Variants in CPE observed in about 807,000 individuals in gnomAD.
CPE encodes the protein carboxypeptidase E.
CPE carries 17 observed loss-of-function variants against 53.5 expected under a neutral mutation model. The observed-to-expected ratio is 0.32, with a 90% CI of 0.22 to 0.48. The LOEUF (loss-of-function observed/expected upper bound fraction) is 0.48. Ranked by LOEUF, CPE falls within the 20% of genes least tolerant of loss-of-function variation. The probability of loss-of-function intolerance (pLI) is 0.99; values close to 1 mark genes in which losing one functional copy is unlikely to be tolerated. For synonymous variants in CPE, 226 were observed against 228.8 expected (o/e 0.99, Z 0.11); for missense variants, 524 against 614.7 (o/e 0.85, Z 1.56).
At chr4:165,409,001 T>A (rs1176376982) in intron 1 of CPE, among the ~76,000 whole-genome samples, 1 of 152,222 alleles carries the variant, frequency 6.6e-6, no homozygotes, top group African/African-American at 2.4e-5. Context: ...AGCATTTACC[T>A]CCACCTGGTG....
At chr4:165,428,807 C>T (rs1731362971) in intron 1 of CPE, among the ~76,000 whole-genome samples, 1 of 152,186 alleles carries the variant, frequency 6.6e-6, no homozygotes, top group South Asian at 2.1e-4. Context: ...TGTAATCTCC[C>T]TCTTACAAGG....
chr4:165,387,911 TG>T (rs1346253320), intron 1 of CPE, among the ~76,000 whole-genome samples: 1 of 152,168 alleles, frequency 6.6e-6, no homozygotes, highest in Non-Finnish European at 1.5e-5. Context: ...CATGAGCCAC[TG>T]TGCCCAGCCC....
At chr4:165,383,334 C>T (rs1052120459) in intron 1 of CPE, among the ~76,000 whole-genome samples, 2 of 152,112 alleles carry the variant, frequency 1.3e-5, no homozygotes, top group Non-Finnish European at 2.9e-5. Context: ...TATTCAAACC[C>T]AAACATATGC....
rs534446824 is a variant in CPE at position 165,382,322 on chromosome 4, T to A, written c.307+2794T>A. On this transcript the variant is annotated intron_variant, in intron 1 of 8. Transcript: ENST00000402744. The stretch of plus-strand genomic sequence containing the variant: ...CCAAAATAGCTGGTATAGATATCTG[T>A]CTTCACTAGGACCCCTGCTTTTGAA... Among the ~76,000 whole-genome samples, 32 of 152,366 alleles carry A rather than the reference T, an allele frequency of 2.1e-4. No homozygotes were observed. In the South Asian group the frequency reaches 5.4e-3, roughly 26 times the overall value.
At chr4:165,482,128 T>C (rs975787659) in intron 3 of CPE, 114 bp from the exon 4 acceptor site, 1 of 522,832 alleles carries the variant, frequency 1.9e-6, no homozygotes, top group African/African-American at 2.0e-5. Flanking sequence ...AGCAAAATAG[T>C]TGAAATATGA....
chr4:165,448,869 G>A (rs1054720309), intron 1 of CPE, among the ~76,000 whole-genome samples: 2 of 152,210 alleles, frequency 1.3e-5, no homozygotes, highest in Non-Finnish European at 2.9e-5. Flanking sequence ...AGAGGGTAGT[G>A]ATGTTCTTTG....
chr4:165,476,358 G>A (rs1732299914), intron 3 of CPE, among the ~76,000 whole-genome samples: 1 of 152,118 alleles, frequency 6.6e-6, no homozygotes, highest in Non-Finnish European at 1.5e-5. Context: ...CATGTGCAGT[G>A]GCCTGGCAAC....
At chr4:165,478,838 C>T (rs1052561627) in intron 3 of CPE, among the ~76,000 whole-genome samples, 9 of 152,132 alleles carry the variant, frequency 5.9e-5, no homozygotes, top group Non-Finnish European at 7.4e-5. Context: ...TCCTTACCCC[C>T]GACAGATGGG....
intron 1 of CPE, among the ~76,000 whole-genome samples, chr4:165,431,827 A>G (rs1579258676): frequency 1.3e-5 from 2 of 152,278 alleles, no homozygotes; most frequent in East Asian, 3.9e-4. Context: ...AATGTATGAG[A>G]AAAGATCTGA....
intron 1 of CPE, among the ~76,000 whole-genome samples, chr4:165,434,219 A>G (rs1005252876): frequency 3.3e-5 from 5 of 152,186 alleles, no homozygotes; most frequent in Non-Finnish European, 5.9e-5. Context: ...GGGTCAGGGA[A>G]CATGTGGGAG....
intron 2 of CPE, 86 bp downstream of exon 2, chr4:165,464,672 C>T: frequency 4.2e-6 from 5 of 1,202,488 alleles, no homozygotes; most frequent in South Asian, 3.6e-5. Flanking sequence ...ATTATGCCCT[C>T]GCACAAAGCT....
rs530319837 is a variant in CPE, at chr4:165,440,898, T to C, written c.308-23492T>C. 2.3e-3 allele frequency among the ~76,000 whole-genome samples: 350 copies of C among 152,102 alleles called. 2 individuals are homozygous for C. The highest frequency in any genetic ancestry group is 8.2e-3 in the African/African-American group (339 of 41,502). On this transcript the variant is annotated intron_variant, in intron 1 of 8. Transcript: ENST00000402744. ...CATGTGCAGCATTAGCAAATGCCGG[T>C]GTGGTATGAATCTTAAAAATTCAGC...
chr4:165,473,299 C>T (rs1255611594), intron 3 of CPE, among the ~76,000 whole-genome samples: 1 of 148,096 alleles, frequency 6.8e-6, no homozygotes, highest in Non-Finnish European at 1.5e-5. Flanking sequence ...TCATATAAAA[C>T]TTCTGTTCTT....
intron 1 of CPE, among the ~76,000 whole-genome samples, chr4:165,462,088 C>T (rs933144700): frequency 6.6e-6 from 1 of 152,062 alleles, no homozygotes; most frequent in Non-Finnish European, 1.5e-5. Flanking sequence ...GAGATTTTTC[C>T]TGAGAGAAAT....
At chr4:165,491,257 T>C (rs899428760) in intron 6 of CPE, among the ~76,000 whole-genome samples, 62 of 152,240 alleles carry the variant, frequency 4.1e-4, no homozygotes, top group Non-Finnish European at 2.9e-5. Context: ...CTTGTAGTGA[T>C]TGATTTACTT....
intron 3 of CPE, among the ~76,000 whole-genome samples, chr4:165,479,765 G>A (rs984808006): frequency 6.6e-5 from 10 of 151,924 alleles, no homozygotes; most frequent in Non-Finnish European, 1.0e-4. Flanking sequence ...GCCGAGGCGG[G>A]CGGATCACGA....
intron 1 of CPE, among the ~76,000 whole-genome samples, chr4:165,448,645 A>G (rs952800273): frequency 1.3e-5 from 2 of 151,848 alleles, no homozygotes; most frequent in Non-Finnish European, 1.5e-5. Flanking sequence ...CAAAAAAAAA[A>G]CCCTTCTTTT....
At chr4:165,416,968 T>C (rs1001150997) in intron 1 of CPE, among the ~76,000 whole-genome samples, 2 of 152,182 alleles carry the variant, frequency 1.3e-5, no homozygotes, top group Admixed American at 1.3e-4. Context: ...AGCTTCTCTT[T>C]ATCTTATGAG....
Position 165,391,030 on chromosome 4 carries a change from C to G in CPE, c.307+11502C>G, listed in dbSNP as rs948829826. 5.3e-5 allele frequency among the ~76,000 whole-genome samples: 8 copies of G among 152,120 alleles called. No homozygotes were observed. In the South Asian group the frequency reaches 6.2e-4, roughly 12 times the overall value. ...CTTATGCTATTTTAACAAACATTTT[C>G]CCTTCTCCTTTGAGTCTATTTCAGT... On this transcript the variant is annotated intron_variant, in intron 1 of 8. Transcript: ENST00000402744.
Sources: gnomAD v4.1 joint callset for allele counts (sites outside exome capture counted in the v4.1 genomes callset) on GRCh38, gnomAD v4.1.1 for gene constraint, MANE v1.5 for transcripts, NCBI Gene and HGNC (gene_info 2026-07-23, HGNC 2026-07-21) for gene names.